The following RABGEF1 variants were observed in gnomAD, a reference collection of about 807,000 sequenced individuals.
RABGEF1 encodes the protein RAB guanine nucleotide exchange factor 1.
A neutral mutation model predicts 57.3 loss-of-function variants in RABGEF1; 26 were observed. That is an observed-to-expected ratio of 0.45 (90% confidence interval 0.33 to 0.63). The LOEUF is 0.63. Among genes scored for constraint, RABGEF1 ranks in the 20% least tolerant of loss-of-function variants. The pLI is 0.02. For missense variants in RABGEF1, 464 were observed against 607.6 expected, an observed-to-expected ratio of 0.76 and a Z score of 2.48; for synonymous variants, 185 against 210.7, an observed-to-expected ratio of 0.88 and a Z score of 1.06.
chr7:66,793,785 C>T lies in RABGEF1; in HGVS notation c.514-1726C>T, dbSNP rs537438046. Among the ~76,000 whole-genome samples, 4 of 152,242 alleles carry T rather than the reference C, an allele frequency of 2.6e-5. No individual in the cohort carries two copies. The South Asian group carries it at 8.3e-4, about 32-fold the overall frequency. ...TTTTACTGAGGGAATGAGGTGACTG[C>T]TCCTGACCCCAAGTGTCCTGCCATC... is the stretch of plus-strand genomic sequence containing the variant. On this transcript the variant is annotated intron_variant, in intron 4 of 8. Transcript: ENST00000284957.
intron 2 of RABGEF1, among the ~76,000 whole-genome samples, chr7:66,730,504 G>A (rs1797185228): frequency 6.6e-6 from 1 of 151,936 alleles, no homozygotes; most frequent in Non-Finnish European, 1.5e-5. Flanking sequence ...TTAAGGGGTA[G>A]AGTCTATGCA....
At chr7:66,770,729 C>T (rs1385212818) in intron 1 of RABGEF1, among the ~76,000 whole-genome samples, 1 of 152,202 alleles carries the variant, frequency 6.6e-6, no homozygotes, top group Non-Finnish European at 1.5e-5. Flanking sequence ...AGTGATCCTC[C>T]CACCTTGGCC....
chr7:66,737,303 G>A (rs1180029711), upstream of RABGEF1, among the ~76,000 whole-genome samples: 1 of 152,016 alleles, frequency 6.6e-6, no homozygotes, highest in Non-Finnish European at 1.5e-5. Context: ...TGCAGTGGCT[G>A]TTCTTCACCA....
chr7:66,795,424 A>G, intron 4 of RABGEF1, 87 bp from the exon 5 acceptor site: 1 of 1,122,534 alleles, frequency 8.9e-7, no homozygotes, highest in Non-Finnish European at 1.4e-6. Flanking sequence ...CAGTACAAGG[A>G]ATGGCTTTTG....
chr7:66,777,280 A>G (rs1362366886), intron 3 of RABGEF1, among the ~76,000 whole-genome samples: 1 of 152,172 alleles, frequency 6.6e-6, no homozygotes, highest in South Asian at 2.1e-4. Context: ...CAATAGCCTC[A>G]TTTTGCAGAG....
the RABGEF1 span, among the ~76,000 whole-genome samples, chr7:66,658,255 A>G: frequency 1.3e-5 from 2 of 152,214 alleles, no homozygotes; most frequent in East Asian, 1.9e-4. Context: ...TAAACCAACC[A>G]GGTGCAGTGG....
intron 4 of RABGEF1, among the ~76,000 whole-genome samples, chr7:66,786,659 C>T (rs1032327881): frequency 1.3e-5 from 2 of 152,178 alleles, no homozygotes; most frequent in Non-Finnish European, 2.9e-5. Flanking sequence ...CCAACTTGGC[C>T]TCCCAAAGAG....
At chr7:66,776,079 GT>G (rs1808455570) in intron 3 of RABGEF1, among the ~76,000 whole-genome samples, 1 of 152,168 alleles carries the variant, frequency 6.6e-6, no homozygotes, top group Admixed American at 6.5e-5. Context: ...AAGACTCTTT[GT>G]TGTTAGGCCT....
intron 1 of RABGEF1, among the ~76,000 whole-genome samples, chr7:66,745,065 G>A (rs530765535): frequency 9.2e-5 from 14 of 152,050 alleles, no homozygotes; most frequent in African/African-American, 2.4e-4. Flanking sequence ...GGTTGCAGGC[G>A]CCTGTAGTCT....
intron 2 of RABGEF1, among the ~76,000 whole-genome samples, chr7:66,715,044 C>T (rs1795215651): frequency 6.6e-6 from 1 of 151,942 alleles, no homozygotes. Context: ...TTCACTACTT[C>T]TTCTCCTTCT....
intron 1 of RABGEF1, among the ~76,000 whole-genome samples, chr7:66,764,708 G>A (rs1805270384): frequency 6.6e-6 from 1 of 152,154 alleles, no homozygotes; most frequent in Non-Finnish European, 1.5e-5. Flanking sequence ...ACTATTTGGT[G>A]AAAAGACTCT....
At chr7:66,754,005 A>AT (rs759263334) in intron 1 of RABGEF1, among the ~76,000 whole-genome samples, 1,625 of 108,312 alleles carry the variant, frequency 0.015, 40 homozygotes, top group Admixed American at 0.017. Context: ...GTACTAGGCC[A>AT]TTTTTTTTTT....
At chr7:66,662,294 C>T in the RABGEF1 span, among the ~76,000 whole-genome samples, 7 of 152,062 alleles carry the variant, frequency 4.6e-5, no homozygotes, top group East Asian at 1.4e-3. Flanking sequence ...TAGCGAAACC[C>T]CATCTCTACC....
At chr7:66,776,483 A>G (rs1808579131) in intron 3 of RABGEF1, among the ~76,000 whole-genome samples, 1 of 152,204 alleles carries the variant, frequency 6.6e-6, no homozygotes, top group South Asian at 2.1e-4. Flanking sequence ...ACCTGAGCTC[A>G]GGAGTTTGAG....
chr7:66,794,375 C>T (rs773224725), intron 4 of RABGEF1, among the ~76,000 whole-genome samples: 1 of 151,432 alleles, frequency 6.6e-6, no homozygotes, highest in African/African-American at 2.4e-5. Flanking sequence ...AGGCTGGCCT[C>T]AAACTCCTAG....
intron 1 of RABGEF1, among the ~76,000 whole-genome samples, chr7:66,699,853 A>T (rs768732708): frequency 1.3e-5 from 2 of 152,224 alleles, no homozygotes; most frequent in Non-Finnish European, 2.9e-5. Context: ...ACCCTGTCTC[A>T]AAAATAAAAT....
the RABGEF1 span, among the ~76,000 whole-genome samples, chr7:66,657,103 A>C: frequency 6.6e-6 from 1 of 152,218 alleles, no homozygotes; most frequent in East Asian, 1.9e-4. Flanking sequence ...AGACCAGATC[A>C]ATAGGAAAGA....
chr7:66,703,165 A>G (rs1180675755), intron 1 of RABGEF1, among the ~76,000 whole-genome samples: 3 of 152,072 alleles, frequency 2.0e-5, no homozygotes, highest in African/African-American at 4.8e-5. Context: ...TTTAGTAGAA[A>G]TGGGGTTTCA....
At chr7:66,747,559 CAT>C (rs2129056742) in intron 1 of RABGEF1, among the ~76,000 whole-genome samples, 1 of 152,240 alleles carries the variant, frequency 6.6e-6, no homozygotes, top group African/African-American at 2.4e-5. Flanking sequence ...GGGATTTTCA[CAT>C]AGGGGTATAT....
Sources: allele counts gnomAD v4.1 joint callset (sites outside exome capture counted in the v4.1 genomes callset), GRCh38; gene constraint gnomAD v4.1.1; transcripts MANE v1.5; gene names NCBI Gene and HGNC (gene_info 2026-07-23, HGNC 2026-07-21).